Variants in MAD1L1 observed in about 807,000 individuals in gnomAD.
MAD1L1 encodes mitotic spindle assembly checkpoint protein MAD1.
In MAD1L1, 95 loss-of-function variants were observed where a neutral mutation model predicts 96.9. That is an observed-to-expected ratio of 0.98 (90% CI 0.83 to 1.16). The LOEUF is 1.16. MAD1L1 is among the 50% of genes most tolerant of loss of function. MAD1L1 has a pLI of 0.00. For synonymous variants in MAD1L1, 473 were observed against 396.6 expected (o/e 1.19, Z -2.29); for missense variants, 1,007 against 954.4 (o/e 1.06, Z -0.73).
intron 18 of MAD1L1, among the ~76,000 whole-genome samples, chr7:1,851,655 G>C (rs926122870): frequency 2.0e-5 from 3 of 152,182 alleles, no homozygotes; most frequent in Admixed American, 2.0e-4. Flanking sequence ...AAGGCGTGGC[G>C]AGGAAGACGG....
intron 10 of MAD1L1, among the ~76,000 whole-genome samples, chr7:2,162,794 T>C (rs1023604352): frequency 2.3e-4 from 33 of 141,936 alleles, no homozygotes; most frequent in African/African-American, 7.1e-4. Context: ...CATTTCAACT[T>C]AAAACAGAAA....
intron 12 of MAD1L1, among the ~76,000 whole-genome samples, chr7:2,036,820 G>A (rs114957866): frequency 1.5e-4 from 23 of 152,286 alleles, no homozygotes; most frequent in African/African-American, 5.3e-4. Flanking sequence ...TGGGTACCTA[G>A]AATCCTAAGA....
intron 16 of MAD1L1, among the ~76,000 whole-genome samples, chr7:1,946,863 C>G (rs1262924059): frequency 6.6e-6 from 1 of 152,224 alleles, no homozygotes; most frequent in African/African-American, 2.4e-5. Flanking sequence ...GCCTTGTAAG[C>G]CCACACCTGT....
At chr7:1,842,315 C>A (rs1783311873) in intron 18 of MAD1L1, among the ~76,000 whole-genome samples, 1 of 152,162 alleles carries the variant, frequency 6.6e-6, no homozygotes, top group South Asian at 2.1e-4. Flanking sequence ...GGCCGCAGCC[C>A]CCGTGGCCCT....
chr7:1,841,500 ACCTCGGCCTGG>A (rs1783254842), intron 18 of MAD1L1, among the ~76,000 whole-genome samples: 1 of 152,098 alleles, frequency 6.6e-6, no homozygotes, highest in African/African-American at 2.4e-5. Context: ...GAGCCTCCTG[ACCTCGGCCTGG>A]CCTCTCCTGG....
intron 15 of MAD1L1, among the ~76,000 whole-genome samples, chr7:1,977,920 G>A (rs1479698202): frequency 6.6e-6 from 1 of 152,246 alleles, no homozygotes; most frequent in African/African-American, 2.4e-5. Context: ...CCAGATTTAA[G>A]AACCTACTCC....
intron 17 of MAD1L1, among the ~76,000 whole-genome samples, chr7:1,928,234 C>T (rs888395169): frequency 6.0e-5 from 9 of 149,890 alleles, no homozygotes; most frequent in East Asian, 4.0e-4. Context: ...ACTCCTGCCA[C>T]GCCAGACACT....
At chr7:2,129,625 T>C (rs1176373873) in intron 11 of MAD1L1, among the ~76,000 whole-genome samples, 1 of 152,168 alleles carries the variant, frequency 6.6e-6, no homozygotes, top group Non-Finnish European at 1.5e-5. Context: ...AGGCTGCCTG[T>C]CTAACAAAGA....
At chr7:1,870,106 C>T (rs1383317044) in intron 18 of MAD1L1, among the ~76,000 whole-genome samples, 3 of 152,158 alleles carry the variant, frequency 2.0e-5, no homozygotes, top group East Asian at 1.9e-4. Flanking sequence ...ACCCCAGATG[C>T]GAGCCGCTGC....
intron 3 of MAD1L1, among the ~76,000 whole-genome samples, chr7:2,225,884 G>C (rs978221433): frequency 1.3e-5 from 2 of 152,194 alleles, no homozygotes; most frequent in African/African-American, 4.8e-5. Flanking sequence ...TCTGACCAGG[G>C]TCTCCCAGAC....
At chr7:2,127,509 G>A (rs559880548) in intron 11 of MAD1L1, among the ~76,000 whole-genome samples, 2 of 152,236 alleles carry the variant, frequency 1.3e-5, no homozygotes, top group East Asian at 1.9e-4. Flanking sequence ...GAGCGGGCCC[G>A]ACCACACCGA....
At chr7:1,965,251 C>T (rs745353227) in intron 15 of MAD1L1, among the ~76,000 whole-genome samples, 2 of 152,218 alleles carry the variant, frequency 1.3e-5, no homozygotes, top group African/African-American at 2.4e-5. Flanking sequence ...ACCCAACACT[C>T]GCTGCGTGTC....
chr7:2,054,729 G>A (rs750309377), intron 12 of MAD1L1, among the ~76,000 whole-genome samples: 3 of 152,214 alleles, frequency 2.0e-5, no homozygotes, highest in Non-Finnish European at 4.4e-5. Context: ...CCTGGAAGCC[G>A]GGCTGGCCAG....
At chr7:2,050,274 G>A (rs1784112888) in intron 12 of MAD1L1, among the ~76,000 whole-genome samples, 1 of 152,224 alleles carries the variant, frequency 6.6e-6, no homozygotes, top group African/African-American at 2.4e-5. Context: ...ACTCCTACGA[G>A]AGCTAAGCCA....
intron 18 of MAD1L1, among the ~76,000 whole-genome samples, chr7:1,832,851 C>T (rs539969370): frequency 2.6e-5 from 4 of 152,034 alleles, no homozygotes; most frequent in Non-Finnish European, 4.4e-5. Context: ...AGGCTGGTCT[C>T]GAACTACTGG....
intron 3 of MAD1L1, among the ~76,000 whole-genome samples, chr7:2,229,328 G>C (rs1018849828): frequency 6.6e-6 from 1 of 152,140 alleles, no homozygotes; most frequent in Admixed American, 6.6e-5. Flanking sequence ...TACAACTTGG[G>C]GGCCCCATTA....
intron 18 of MAD1L1, among the ~76,000 whole-genome samples, chr7:1,822,085 C>A (rs2128620906): frequency 6.6e-6 from 1 of 152,228 alleles, no homozygotes; most frequent in East Asian, 1.9e-4. Flanking sequence ...GAGCAATCTG[C>A]AGAAAACTCC....
At chr7:1,855,472 C>T (rs1188226139) in intron 18 of MAD1L1, among the ~76,000 whole-genome samples, 1 of 152,050 alleles carries the variant, frequency 6.6e-6, no homozygotes, top group African/African-American at 2.4e-5. Context: ...CAACGCCTGG[C>T]CTGGAAAGAG....
At chr7:2,077,809 G>A (rs573205244) in intron 11 of MAD1L1, among the ~76,000 whole-genome samples, 3 of 152,344 alleles carry the variant, frequency 2.0e-5, no homozygotes, top group Admixed American at 1.3e-4. Flanking sequence ...AGAGGATATC[G>A]CTGGACAGAA....
Sources: gnomAD v4.1 joint callset for allele counts (sites outside exome capture counted in the v4.1 genomes callset) on GRCh38, gnomAD v4.1.1 for gene constraint, MANE v1.5 for transcripts, NCBI Gene and HGNC (gene_info 2026-07-23, HGNC 2026-07-21) for gene names.